The following EFCAB8 variants were observed in gnomAD, a reference collection of about 807,000 sequenced individuals.
EFCAB8 encodes EF-hand calcium binding domain 8.
A neutral mutation model predicts 116.3 loss-of-function variants in EFCAB8; 100 were observed. The observed-to-expected ratio is 0.86, with a 90% CI of 0.73 to 1.02. The LOEUF is 1.02. Among genes scored for constraint, EFCAB8 ranks in the 50% least tolerant of loss-of-function variants. The pLI is 0.00. For missense variants in EFCAB8, 1,320 were observed against 1,416.9 expected (o/e 0.93, Z 1.10); for synonymous variants, 558 against 567.9 (o/e 0.98, Z 0.25).
chr20:32,859,102 A>T, intron 1 of EFCAB8, 96 bp downstream of exon 1: 2 of 463,964 alleles, frequency 4.3e-6, no homozygotes, highest in Non-Finnish European at 8.9e-6. Context: ...AGCAGCTCTT[A>T]TCTGTGTCCT....
At chr20:32,900,192 GGTT>G (rs1986362260) in intron 11 of EFCAB8, among the ~76,000 whole-genome samples, 1 of 152,110 alleles carries the variant, frequency 6.6e-6, no homozygotes, top group Non-Finnish European at 1.5e-5. Context: ...TTTCTGTCCT[GGTT>G]GTTTTTCAGG....
intron 11 of EFCAB8, among the ~76,000 whole-genome samples, chr20:32,899,843 G>A (rs1185289766): frequency 2.6e-5 from 4 of 152,220 alleles, no homozygotes; most frequent in South Asian, 2.1e-4. Flanking sequence ...CAAAGTGCTG[G>A]GATTGCAGGC....
intron 23 of EFCAB8, among the ~76,000 whole-genome samples, chr20:32,956,943 C>CTTTTTTTTTTTTTT (rs61235703): frequency 7.5e-6 from 1 of 132,834 alleles, no homozygotes; most frequent in Non-Finnish European, 1.6e-5. Context: ...ATGCCCTATT[C>CTTTTTTTTTTTTTT]TTTTTTTTTT....
At chr20:32,919,380 A>T (rs1397985549) in intron 19 of EFCAB8, among the ~76,000 whole-genome samples, 1 of 152,214 alleles carries the variant, frequency 6.6e-6, no homozygotes, top group African/African-American at 2.4e-5. Flanking sequence ...TTGCTGTAAG[A>T]CGTGTACACT....
intron 23 of EFCAB8, among the ~76,000 whole-genome samples, chr20:32,945,190 G>T (rs1432940978): frequency 2.0e-5 from 3 of 151,824 alleles, no homozygotes; most frequent in African/African-American, 7.3e-5. Context: ...ACAGGGTCTT[G>T]CTCTGCCACC....
intron 5 of EFCAB8, among the ~76,000 whole-genome samples, chr20:32,879,736 C>G (rs529794062): frequency 6.6e-6 from 1 of 152,284 alleles, no homozygotes; most frequent in South Asian, 2.1e-4. Flanking sequence ...GTCCGTGTCC[C>G]TGTGTCTTTG....
chr20:32,889,479 G>A (rs1985805987), intron 7 of EFCAB8, 73 bp downstream of exon 7: 4 of 1,422,886 alleles, frequency 2.8e-6, no homozygotes, highest in African/African-American at 1.4e-5. Context: ...GGAGAAGTCT[G>A]TTGGCTGAGC....
intron 13 of EFCAB8, 92 bp downstream of exon 13, chr20:32,907,086 A>T (rs906387490): frequency 6.9e-7 from 1 of 1,439,190 alleles, no homozygotes; most frequent in Admixed American, 2.9e-5. Context: ...ACGGCCCCAC[A>T]TCTGGCCAAA....
intron 23 of EFCAB8, among the ~76,000 whole-genome samples, chr20:32,944,035 T>C (rs1988499124): frequency 6.6e-6 from 1 of 152,236 alleles, no homozygotes; most frequent in African/African-American, 2.4e-5. Flanking sequence ...GCAAATCATA[T>C]ATCTGATAAA....
chr20:32,866,921 CTTTCG>C, intron 2 of EFCAB8, among the ~76,000 whole-genome samples: 1 of 142,986 alleles, frequency 7.0e-6, no homozygotes, highest in South Asian at 2.2e-4. Context: ...TCTTTCGTTT[CTTTCG>C]TTTCTTTTTT....
At chr20:32,904,392 C>T (rs960384421) in intron 11 of EFCAB8, among the ~76,000 whole-genome samples, 5 of 151,366 alleles carry the variant, frequency 3.3e-5, no homozygotes, top group African/African-American at 9.7e-5. Context: ...CCTCAACCTC[C>T]TGGGTTCTAG....
intron 22 of EFCAB8, among the ~76,000 whole-genome samples, chr20:32,933,700 C>A (rs377413793): frequency 2.6e-5 from 4 of 152,098 alleles, no homozygotes; most frequent in Non-Finnish European, 5.9e-5. Context: ...TCTTTTTGGC[C>A]GGGCTCAGTG....
At chr20:32,889,549 C>A in intron 7 of EFCAB8, 143 bp downstream of exon 7, 1 of 800,346 alleles carries the variant, frequency 1.2e-6, no homozygotes, top group Non-Finnish European at 2.0e-6. Context: ...GCCTTAGTGC[C>A]AAGTAGGCAG....
At chr20:32,909,091 G>A (rs1986807285) in intron 14 of EFCAB8, among the ~76,000 whole-genome samples, 1 of 152,198 alleles carries the variant, frequency 6.6e-6, no homozygotes, top group South Asian at 2.1e-4. Flanking sequence ...AGATGCGGGG[G>A]CCGCTCGTGC....
chr20:32,895,003 T>C (rs191241492), intron 9 of EFCAB8, among the ~76,000 whole-genome samples: 4 of 152,356 alleles, frequency 2.6e-5, no homozygotes, highest in Non-Finnish European at 5.9e-5. Flanking sequence ...TTTGCAGCAG[T>C]ACAATGTTTG....
At chr20:32,960,916 T>C (rs1989128794) in intron 26 of EFCAB8, among the ~76,000 whole-genome samples, 1 of 152,168 alleles carries the variant, frequency 6.6e-6, no homozygotes, top group South Asian at 2.1e-4. Context: ...ACAAGCGCCG[T>C]AACTGGGTGG....
rs551488907 is a variant in EFCAB8, at chr20:32,920,258, T to C, written c.2412+43T>C. ...AGGGAGAGGGATATGAGCTGGGGAG[T>C]GGGCGGTCAGGATTGGGTGGTCAGG... On this transcript the variant is annotated intron_variant, in intron 20 of 26. Coordinates refer to ENST00000400522, the MANE Select transcript of EFCAB8 (RefSeq NM_001143967.2). 1.0e-4 allele frequency: 158 copies of C among 1,545,458 alleles called. 1 individual carries two copies. The highest frequency in any genetic ancestry group is 2.2e-4 in the Admixed American group (11 of 50,440).
chr20:32,892,415 T>C, intron 8 of EFCAB8, 118 bp downstream of exon 8: 1 of 846,474 alleles, frequency 1.2e-6, no homozygotes, highest in South Asian at 1.6e-5. Context: ...TCTGGAAATA[T>C]CTCCCCACTG....
chr20:32,919,462 A>G (rs1987348655), intron 19 of EFCAB8, among the ~76,000 whole-genome samples: 1 of 152,150 alleles, frequency 6.6e-6, no homozygotes, highest in Non-Finnish European at 1.5e-5. Context: ...TTCTAGGGAA[A>G]TGGGTGCATA....
Sources: allele counts gnomAD v4.1 joint callset (sites outside exome capture counted in the v4.1 genomes callset), GRCh38; gene constraint gnomAD v4.1.1; transcripts MANE v1.5; gene names NCBI Gene and HGNC (gene_info 2026-07-23, HGNC 2026-07-21).